The following ALDH1A1 variants were observed in gnomAD, a reference collection of about 807,000 sequenced individuals.
ALDH1A1 encodes aldehyde dehydrogenase 1A1.
ALDH1A1 carries 19 observed loss-of-function variants against 62.1 expected under a neutral mutation model. That is an observed-to-expected ratio of 0.31 (90% confidence interval 0.21 to 0.45). ALDH1A1 has a LOEUF of 0.45. ALDH1A1 is among the 20% of genes least tolerant of loss of function. The pLI, the probability that ALDH1A1 is intolerant of heterozygous loss-of-function variation, is 1.00. For missense variants in ALDH1A1, 521 were observed against 607.1 expected, an observed-to-expected ratio of 0.86 and a Z score of 1.49; for synonymous variants, 231 against 215.9, an observed-to-expected ratio of 1.07 and a Z score of -0.61.
chr9:72,908,461 G>GAAAAAAA (rs1564622144), intron 11 of ALDH1A1, among the ~76,000 whole-genome samples: 1 of 48,574 alleles, frequency 2.1e-5, no homozygotes, highest in Non-Finnish European at 4.4e-5. Context: ...AAAAAAAAAA[G>GAAAAAAA]AAGAAAGAAA....
At chr9:72,942,313 C>T in intron 1 of ALDH1A1, 1 of 985,328 alleles carries the variant, frequency 1.0e-6, no homozygotes, top group Non-Finnish European at 1.2e-6. Flanking sequence ...ACTCAGCTCA[C>T]TGTCATCTCT....
chr9:72,941,873 G>A (rs1830419586), intron 1 of ALDH1A1, among the ~76,000 whole-genome samples: 1 of 152,066 alleles, frequency 6.6e-6, no homozygotes, highest in Non-Finnish European at 1.5e-5. Context: ...TGTAGTACTA[G>A]CCTGAAATTG....
intron 11 of ALDH1A1, among the ~76,000 whole-genome samples, chr9:72,906,811 G>A (rs1015653944): frequency 4.6e-5 from 7 of 152,072 alleles, no homozygotes; most frequent in African/African-American, 1.7e-4. Context: ...CTTTTTAAAG[G>A]AGATTTATGT....
Position 72,917,058 on chromosome 9 carries a change from CT to C in ALDH1A1, c.896del (p.Gln299ArgfsTer6), listed in dbSNP as rs757052269. 6.2e-7 allele frequency: 1 copy of C among 1,612,232 alleles called. No homozygotes were observed. The highest frequency in any genetic ancestry group is 8.5e-7 in the Non-Finnish European group (1 of 1,179,016). On this transcript the variant is annotated frameshift_variant, in exon 9 of 13. Coordinates refer to ENST00000297785, the MANE Select transcript of ALDH1A1 (RefSeq NM_000689.5). LOFTEE classifies it high-confidence loss of function. Reference protein sequence around the residue: ...EFAHHGVFYHQGQCCIAASRI... With the variant: ...EFAHHGVFYHXGQCCIAASRI... Reference sequence around the variant, plus strand: ...TGGATGCGGCTATACAACACTGGCCCTGGTGGTAGAATACCCCATGGTGTGC... The same window carrying C: ...TGGATGCGGCTATACAACACTGGCCCGGTGGTAGAATACCCCATGGTGTGC...
At chr9:72,910,239 C>G (rs1371672313) in intron 10 of ALDH1A1, among the ~76,000 whole-genome samples, 1 of 152,088 alleles carries the variant, frequency 6.6e-6, no homozygotes, top group Non-Finnish European at 1.5e-5. Flanking sequence ...CTTTAAATAC[C>G]TGTATGCCAT....
chr9:72,932,695 A>G (rs1830297378), intron 2 of ALDH1A1, among the ~76,000 whole-genome samples: 1 of 152,232 alleles, frequency 6.6e-6, no homozygotes, highest in African/African-American at 2.4e-5. Context: ...GATTGCTTAT[A>G]TTTAGACATT....
intron 8 of ALDH1A1, among the ~76,000 whole-genome samples, 198 bp from the exon 9 acceptor site, chr9:72,917,302 T>C (rs1588134599): frequency 6.6e-6 from 1 of 152,112 alleles, no homozygotes; most frequent in Admixed American, 6.5e-5. Context: ...AATAGAAACA[T>C]ACAGAATCTG....
intron 7 of ALDH1A1, among the ~76,000 whole-genome samples, chr9:72,920,566 A>C (rs1396581932): frequency 6.6e-6 from 1 of 152,240 alleles, no homozygotes; most frequent in Admixed American, 6.5e-5. Context: ...AAAATCAAAT[A>C]TATTTTTGTA....
intron 4 of ALDH1A1, 76 bp from the exon 5 acceptor site, chr9:72,927,253 G>A: frequency 9.2e-7 from 1 of 1,085,932 alleles, no homozygotes; most frequent in East Asian, 2.4e-5. Flanking sequence ...GGTGATGTGA[G>A]AGAAAGGTGT....
At chr9:72,931,109 C>T (rs1830276809) in intron 2 of ALDH1A1, 90 bp from the exon 3 acceptor site, 6 of 1,447,316 alleles carry the variant, frequency 4.1e-6, no homozygotes, top group Admixed American at 1.9e-5. Flanking sequence ...GACTGTAGTG[C>T]CTCATAAGCA....
chr9:72,950,703 CT>C (rs1472494047), intron 1 of ALDH1A1, among the ~76,000 whole-genome samples: 2 of 151,506 alleles, frequency 1.3e-5, no homozygotes, highest in Non-Finnish European at 3.0e-5. Flanking sequence ...AACCAATATA[CT>C]TCTAGCTATA....
intron 2 of ALDH1A1, 88 bp downstream of exon 2, chr9:72,940,060 T>G (rs113295401): frequency 2.8e-5 from 26 of 932,100 alleles, no homozygotes; most frequent in African/African-American, 1.3e-4. Context: ...TGGCATGTCT[T>G]TTGGAGCTTG....
At chr9:72,952,414 A>G (rs1318497785) in intron 1 of ALDH1A1, among the ~76,000 whole-genome samples, 1 of 152,060 alleles carries the variant, frequency 6.6e-6, no homozygotes, top group Non-Finnish European at 1.5e-5. Flanking sequence ...CCACCAAAAT[A>G]TGCAAAATAA....
chr9:72,924,106 A>G lies in ALDH1A1; in HGVS notation c.660T>C (p.Asn220=), dbSNP rs750890836. The G allele has an allele frequency of 1.9e-6, 3 of 1,612,336 alleles. No individual in the cohort carries two copies. Among genetic ancestry groups the G allele is most frequent in the Non-Finnish European group, 2.5e-6 (3 of 1,179,122 alleles). ...KEAGFPPGVV[N]IVPGYGPTAG... ...CTGTAGGCCCATAACCAGGAACAAT[A>G]TTCACTACTCCAGGAGGAAACCCTG... is the stretch of plus-strand genomic sequence containing the variant. The change falls in exon 7 of 13, where the codon AAT becomes AAC. Residue 220 remains asparagine, a synonymous_variant. Coordinates refer to ENST00000297785, the MANE Select transcript of ALDH1A1 (RefSeq NM_000689.5).
chr9:72,913,702 G>T (rs1237242390), intron 9 of ALDH1A1, among the ~76,000 whole-genome samples: 1 of 152,222 alleles, frequency 6.6e-6, no homozygotes, highest in Non-Finnish European at 1.5e-5. Context: ...AACTTAGATG[G>T]TCGCTAACTT....
chr9:72,906,076 G>A, intron 11 of ALDH1A1, 44 bp from the exon 12 acceptor site: 2 of 1,464,254 alleles, frequency 1.4e-6, no homozygotes, highest in Non-Finnish European at 1.9e-6. Flanking sequence ...CTTAAGGTGT[G>A]AAAAAAAAAT....
At chr9:72,909,155 C>CTT (rs5898281) in intron 11 of ALDH1A1, among the ~76,000 whole-genome samples, 30,312 of 75,906 alleles carry the variant, frequency 0.4, 5,916 homozygotes, top group South Asian at 0.54. Flanking sequence ...TCCAATACAG[C>CTT]TTTTTTTTTT....
intron 12 of ALDH1A1, among the ~76,000 whole-genome samples, chr9:72,902,868 G>A (rs764399438): frequency 1.3e-5 from 2 of 151,738 alleles, no homozygotes; most frequent in Non-Finnish European, 2.9e-5. Flanking sequence ...TTCAAATACT[G>A]ATTCTGAATT....
chr9:72,949,886 A>G (rs1588147254), intron 1 of ALDH1A1, among the ~76,000 whole-genome samples: 1 of 151,810 alleles, frequency 6.6e-6, no homozygotes, highest in South Asian at 2.1e-4. Context: ...AGTATTGTGA[A>G]GAGAGAATGG....
Sources: allele counts gnomAD v4.1 joint callset (sites outside exome capture counted in the v4.1 genomes callset), GRCh38; gene constraint gnomAD v4.1.1; transcripts MANE v1.5; gene names NCBI Gene and HGNC (gene_info 2026-07-23, HGNC 2026-07-21).